The following CEMIP2 variants were observed in gnomAD, a reference collection of about 807,000 sequenced individuals.
The protein encoded by CEMIP2 is cell surface hyaluronidase CEMIP2.
Under a neutral mutation model 146.9 loss-of-function variants are expected in CEMIP2, and 79 were observed. That is an observed-to-expected ratio of 0.54 (90% CI 0.45 to 0.65). CEMIP2 has a LOEUF of 0.65. CEMIP2 is among the 30% of genes least tolerant of loss of function. CEMIP2 has a pLI of 0.00. For synonymous variants in CEMIP2, 601 were observed against 606.3 expected, an observed-to-expected ratio of 0.99 and a Z score of 0.13; for missense variants, 1,596 against 1,696.2, an observed-to-expected ratio of 0.94 and a Z score of 1.04.
Position 71,698,135 on chromosome 9 carries a change from A to G in CEMIP2, c.3447T>C (p.Cys1149=). ...HGHSYCSSQG[C]ERVKIQAATD... The stretch of plus-strand genomic sequence containing the variant: ...TGGCTGCTTGGATCTTGACTCTTTC[A>G]CATCCCTGAGATGAACAGTAACTGT... The change falls in exon 20 of 24, where the codon TGT becomes TGC. Residue 1149 remains cysteine, a synonymous_variant. Transcript: ENST00000377044. 1 of 1,614,082 alleles carries G rather than the reference A, an allele frequency of 6.2e-7. No individual in the cohort carries two copies. The highest frequency in any genetic ancestry group is 8.5e-7 in the Non-Finnish European group (1 of 1,180,026).
chr9:71,690,629 G>A (rs1822201904), intron 21 of CEMIP2, among the ~76,000 whole-genome samples: 1 of 152,104 alleles, frequency 6.6e-6, no homozygotes, highest in Non-Finnish European at 1.5e-5. Context: ...CAGAGTAGAT[G>A]GCTTATTGTC....
Position 71,725,624 on chromosome 9 carries a change from G to A in CEMIP2, c.2135C>T (p.Pro712Leu). 1 of 1,613,952 alleles carries A rather than the reference G, an allele frequency of 6.2e-7. No individual in the cohort carries two copies. Among genetic ancestry groups the A allele is most frequent in the Non-Finnish European group, 8.5e-7 (1 of 1,179,958 alleles). The change falls in exon 11 of 24, where the codon CCA becomes CTA. Residue 712 changes from proline (P) to leucine (L), a missense_variant. By Grantham distance (98) the Pro-to-Leu change is moderately conservative (BLOSUM62 -3). Transcript: ENST00000377044. ...CCTGTTGTTATAAAATATACCCAATGGAGTGAGTTCTGGTTTTGCCAAGAG... is the reference window on the plus strand; with the variant it reads ...CCTGTTGTTATAAAATATACCCAATAGAGTGAGTTCTGGTTTTGCCAAGAG... ...LQLLAKPELTPLGIFYNNRVH... is the reference protein window; with the variant it reads ...LQLLAKPELTLLGIFYNNRVH...
At chr9:71,764,148 T>C (rs967635726) in intron 1 of CEMIP2, among the ~76,000 whole-genome samples, 5 of 152,220 alleles carry the variant, frequency 3.3e-5, no homozygotes, top group African/African-American at 1.2e-4. Context: ...TGTGCACATC[T>C]ACAGTACTTT....
In CEMIP2 at chr9:71,745,117, A is replaced by G. The variant is rs1328474748; in HGVS notation, c.935T>C (p.Ile312Thr). ...RFQDPGRIVA[I>T]AVGDSAAKSL... ...TTTAGCGGCTGAATCCCCGACAGCT[A>G]TGGCAACAATCCGACCTGGATCCTG... The change falls in exon 4 of 24, where the codon ATA (isoleucine) becomes ACA (threonine). Residue 312 changes from isoleucine (I) to threonine (T), a missense_variant. Transcript: ENST00000377044. 9.3e-6 allele frequency: 15 copies of G among 1,614,144 alleles called. No individual in the cohort carries two copies. The highest frequency in any genetic ancestry group is 1.3e-5 in the Non-Finnish European group (15 of 1,180,016).
chr9:71,741,185 ATTTTTTTTTTTTTTTTT>A (rs79872255), intron 4 of CEMIP2, among the ~76,000 whole-genome samples: 1 of 72,206 alleles, frequency 1.4e-5, no homozygotes, highest in African/African-American at 6.3e-5. Context: ...ACTGAGTTAG[ATTTTTTTTTTTTTTTTT>A]TTTTTTTTTT....
At chr9:71,685,508 AACTCTGC>A (rs1188452063) in intron 23 of CEMIP2, 115 bp from the exon 24 acceptor site, 1 of 1,232,132 alleles carries the variant, frequency 8.1e-7, no homozygotes, top group African/African-American at 1.5e-5. Context: ...GCTATTAAAA[AACTCTGC>A]ACTTCCTTAC....
At position 71,715,063 on chromosome 9, in the gene CEMIP2, C is replaced by G. The variant is rs780396951; in HGVS notation, c.2462G>C (p.Gly821Ala). Residue 821 changes from glycine to alanine, a missense_variant, in exon 15 of 24, where the codon GGT (glycine) becomes GCT (alanine). By Grantham distance (60) the Gly-to-Ala change is moderately conservative. Coordinates refer to ENST00000377044, the MANE Select transcript of CEMIP2 (RefSeq NM_013390.3). Reference sequence around the variant, plus strand: ...AGATTCAGATACCTCTTGGCTGGAACCTTCATCACTTGGGAAGCTTCCATC... The same window carrying G: ...AGATTCAGATACCTCTTGGCTGGAAGCTTCATCACTTGGGAAGCTTCCATC... ...ASDGSFPSDE[G>A]SSQEVSESLF... The G allele has an allele frequency of 5.6e-6, 9 of 1,613,862 alleles. No individual in the cohort carries two copies. The highest frequency in any genetic ancestry group is 1.1e-5 in the South Asian group (1 of 91,040).
At chr9:71,741,866 G>C (rs572260743) in intron 4 of CEMIP2, among the ~76,000 whole-genome samples, 1 of 151,416 alleles carries the variant, frequency 6.6e-6, no homozygotes, top group Non-Finnish European at 1.5e-5. Flanking sequence ...AGCTGGTCTC[G>C]CACTCCTGCC....
At chr9:71,709,899 A>G (rs1163495113) in intron 16 of CEMIP2, among the ~76,000 whole-genome samples, 1 of 152,212 alleles carries the variant, frequency 6.6e-6, no homozygotes, top group Non-Finnish European at 1.5e-5. Context: ...CATGTAAATT[A>G]TATCTCAATG....
chr9:71,713,461 T>C (rs1822965811), intron 15 of CEMIP2, among the ~76,000 whole-genome samples: 1 of 152,204 alleles, frequency 6.6e-6, no homozygotes, highest in South Asian at 2.1e-4. Context: ...GTCTCAGGTA[T>C]GTCTTTATCA....
intron 7 of CEMIP2, among the ~76,000 whole-genome samples, chr9:71,731,366 C>T (rs1823611848): frequency 6.6e-6 from 1 of 152,094 alleles, no homozygotes; most frequent in Non-Finnish European, 1.5e-5. Flanking sequence ...AGTTTGAGCA[C>T]TCTCAATATA....
chr9:71,717,884 T>TA (rs1034806404), intron 13 of CEMIP2, 64 bp downstream of exon 13: 209 of 1,473,906 alleles, frequency 1.4e-4, no homozygotes, highest in Middle Eastern at 2.4e-4. Flanking sequence ...CTACTGGCTT[T>TA]AAAAAAAATC....
rs780094745 is a variant in CEMIP2 at position 71,712,046 on chromosome 9, C to A, written c.2769+37G>T. 26 of 1,595,844 alleles carry A rather than the reference C, an allele frequency of 1.6e-5. No individual in the cohort carries two copies. The Middle Eastern group carries it at 3.4e-3, about 206-fold the overall frequency. On this transcript the variant is annotated intron_variant, in intron 16 of 23. Coordinates refer to ENST00000377044, the MANE Select transcript of CEMIP2 (RefSeq NM_013390.3). ...GAATGTGCTATCCCTCCTTTTTTCA[C>A]CATAGTCACTACGTAAGAACTACAG...
intron 4 of CEMIP2, among the ~76,000 whole-genome samples, chr9:71,742,693 T>A (rs1451938491): frequency 6.6e-6 from 1 of 152,236 alleles, no homozygotes; most frequent in African/African-American, 2.4e-5. Flanking sequence ...ATACAAGTTG[T>A]AATCCCTGGC....
At chr9:71,697,301 T>C (rs75982441) in intron 20 of CEMIP2, among the ~76,000 whole-genome samples, 10,705 of 152,266 alleles carry the variant, frequency 0.07, 915 homozygotes, top group African/African-American at 0.2. Flanking sequence ...TCACTTGGAA[T>C]TATCTGATTT....
chr9:71,760,408 C>G (rs1485783111), intron 1 of CEMIP2, among the ~76,000 whole-genome samples: 22 of 151,844 alleles, frequency 1.4e-4, no homozygotes, highest in Non-Finnish European at 1.3e-4. Flanking sequence ...GTGAAAACTT[C>G]TTAAAGTGAA....
intron 1 of CEMIP2, among the ~76,000 whole-genome samples, chr9:71,763,896 C>T (rs1824711228): frequency 6.6e-6 from 1 of 152,204 alleles, no homozygotes; most frequent in Admixed American, 6.5e-5. Flanking sequence ...GCAACCAGTA[C>T]AGTGCCTTGC....
At chr9:71,726,041 A>C (rs1488569781) in intron 10 of CEMIP2, among the ~76,000 whole-genome samples, 1 of 152,240 alleles carries the variant, frequency 6.6e-6, no homozygotes, top group Non-Finnish European at 1.5e-5. Context: ...CCATGTAACC[A>C]AGACAGCACA....
At chr9:71,699,034 TA>T (rs34810834) in intron 19 of CEMIP2, among the ~76,000 whole-genome samples, 9,091 of 132,686 alleles carry the variant, frequency 0.069, 473 homozygotes, top group African/African-American at 0.14. Flanking sequence ...CTGAGAGCAT[TA>T]AAAAAAAAAA....
Sources: allele counts gnomAD v4.1 joint callset (sites outside exome capture counted in the v4.1 genomes callset), GRCh38; gene constraint gnomAD v4.1.1; transcripts MANE v1.5; gene names NCBI Gene and HGNC (gene_info 2026-07-23, HGNC 2026-07-21).